Variants in MTERF4 observed in about 807,000 individuals in gnomAD.
The protein encoded by MTERF4 is mitochondrial transcription termination factor 4.
In MTERF4, 17 loss-of-function variants were observed where a neutral mutation model predicts 22.5. The ratio of observed to expected loss-of-function variants is 0.75; its 90% CI spans 0.52 to 1.13. The LOEUF (loss-of-function observed/expected upper bound fraction) is 1.13. Among genes scored for constraint, MTERF4 ranks in the 50% most tolerant of loss-of-function variants. The pLI, the probability that MTERF4 is intolerant of heterozygous loss-of-function variation, is 0.00. For missense variants in MTERF4, 420 were observed against 466.8 expected (o/e 0.90, Z 0.92); for synonymous variants, 165 against 175.3 (o/e 0.94, Z 0.47).
chr2:241,049,990 C>A, the MTERF4 span: 3 of 1,275,290 alleles, frequency 2.4e-6, no homozygotes, highest in Non-Finnish European at 3.4e-6. Context: ...CGCCCGCGGT[C>A]CGCCGTCCTG....
the MTERF4 span, chr2:241,053,144 GC>G: frequency 5.6e-6 from 9 of 1,607,116 alleles, no homozygotes; most frequent in Non-Finnish European, 7.6e-6. Flanking sequence ...AGGCTGCCGT[GC>G]CTTGCAGAGG....
the MTERF4 span, among the ~76,000 whole-genome samples, chr2:241,046,631 A>G: frequency 6.6e-6 from 1 of 152,222 alleles, no homozygotes; most frequent in African/African-American, 2.4e-5. Flanking sequence ...AGTAGTTGCC[A>G]GGGACTGAGG....
At chr2:241,052,806 G>C in the MTERF4 span, among the ~76,000 whole-genome samples, 1 of 126,858 alleles carries the variant, frequency 7.9e-6, no homozygotes, top group Non-Finnish European at 1.6e-5. Flanking sequence ...GGCCTGGGGG[G>C]CCCAAGCAGG....
chr2:241,071,382 G>A (rs114349168), downstream of MTERF4: 544 of 629,008 alleles, frequency 8.6e-4, no homozygotes, highest in Non-Finnish European at 1.3e-3. Flanking sequence ...GAAGGGATGC[G>A]GCGGGTGGGC....
At chr2:241,077,877 G>A (rs936836689) in intron 4 of MTERF4, among the ~76,000 whole-genome samples, 5 of 152,158 alleles carry the variant, frequency 3.3e-5, no homozygotes, top group Admixed American at 3.3e-4. Flanking sequence ...CTGCTGGTGG[G>A]ACTGTAAAGT....
the MTERF4 span, chr2:241,051,509 G>A: frequency 2.4e-6 from 1 of 412,086 alleles, no homozygotes; most frequent in South Asian, 8.8e-5. The surrounding 1 kb of genome is among the most constrained non-coding windows in gnomAD (Gnocchi z 4.7). Context: ...CAGAAAAGAG[G>A]ACAGGCAAGC....
At chr2:241,043,002 C>T in the MTERF4 span, among the ~76,000 whole-genome samples, 1 of 151,780 alleles carries the variant, frequency 6.6e-6, no homozygotes, top group African/African-American at 2.4e-5. Flanking sequence ...GCCTGGGATC[C>T]ATGTATGTGC....
chr2:241,049,965 C>T, the MTERF4 span: 2 of 1,550,354 alleles, frequency 1.3e-6, no homozygotes, highest in East Asian at 2.2e-5. Flanking sequence ...GGGCCGGCGT[C>T]AGCACCCTGG....
At chr2:241,102,038 C>T (rs564492503) in intron 1 of MTERF4, 5 of 578,336 alleles carry the variant, frequency 8.6e-6, no homozygotes, top group Admixed American at 3.6e-5. Context: ...GGAGACAGAG[C>T]GAGACTTTGT....
At chr2:241,076,600 A>G (rs2063030539) in intron 4 of MTERF4, among the ~76,000 whole-genome samples, 1 of 152,136 alleles carries the variant, frequency 6.6e-6, no homozygotes, top group Non-Finnish European at 1.5e-5. Flanking sequence ...ACCTGCTCAC[A>G]CCTGTAATCC....
At chr2:241,064,295 G>A in the MTERF4 span, among the ~76,000 whole-genome samples, 2 of 151,092 alleles carry the variant, frequency 1.3e-5, no homozygotes, top group African/African-American at 4.9e-5. The surrounding 1 kb of genome is among the most constrained non-coding windows in gnomAD (Gnocchi z 7.0). Flanking sequence ...CCCTCCGCCT[G>A]TCTCCCTTGG....
chr2:241,048,106 T>C, the MTERF4 span, among the ~76,000 whole-genome samples: 18 of 152,284 alleles, frequency 1.2e-4, no homozygotes, highest in African/African-American at 4.1e-4. Context: ...TGGTGCTTCT[T>C]GTTCTGTCGA....
chr2:241,062,752 G>A, the MTERF4 span: 58 of 1,408,726 alleles, frequency 4.1e-5, no homozygotes, highest in African/African-American at 5.6e-5. Flanking sequence ...TGGCTTAATC[G>A]TGGCCACATT....
chr2:241,066,155 T>A, the MTERF4 span, among the ~76,000 whole-genome samples: 1 of 152,134 alleles, frequency 6.6e-6, no homozygotes, highest in Admixed American at 6.5e-5. Context: ...TGTGACCAGA[T>A]GTGACCCCTG....
chr2:241,048,721 C>A, the MTERF4 span: 2 of 1,613,030 alleles, frequency 1.2e-6, no homozygotes, highest in Non-Finnish European at 1.7e-6. Context: ...CAACACCACC[C>A]TCTGCCAGTG....
At chr2:241,068,807 C>T (rs1344019853), downstream of MTERF4, 5 of 753,052 alleles carry the variant, frequency 6.6e-6, no homozygotes, top group African/African-American at 7.1e-5. This position sits in a 1 kb window ranked among gnomAD's most constrained non-coding sequence, Gnocchi z 5.3. Context: ...AGCAGGATGA[C>T]CTCCCCGCAG....
intron 2 of MTERF4, 24 bp downstream of exon 2, chr2:241,099,372 G>T: frequency 6.3e-7 from 1 of 1,599,890 alleles, no homozygotes; most frequent in Non-Finnish European, 8.5e-7. Context: ...ACCGCACCCA[G>T]CCAAAATCTG....
the MTERF4 span, chr2:241,051,949 G>T: frequency 6.7e-7 from 1 of 1,482,386 alleles, no homozygotes; most frequent in South Asian, 1.2e-5. This position sits in a 1 kb window ranked among gnomAD's most constrained non-coding sequence, Gnocchi z 4.7. Context: ...CCAGCTGTGG[G>T]TCTGCTTCTC....
chr2:241,072,211 C>A, exon 5 of MTERF4: 1 of 551,326 alleles, frequency 1.8e-6, no homozygotes, highest in South Asian at 1.5e-5. Context: ...GGGCTCTGAG[C>A]TTTGTTTTAG....
Sources: allele counts gnomAD v4.1 joint callset (sites outside exome capture counted in the v4.1 genomes callset), GRCh38; gene constraint gnomAD v4.1.1; non-coding constraint Gnocchi (gnomAD v3.1); transcripts MANE v1.5; gene names NCBI Gene and HGNC (gene_info 2026-07-23, HGNC 2026-07-21).